ARHGEF10L: variants seen among roughly 807,000 people sequenced by gnomAD.
ARHGEF10L encodes rho guanine nucleotide exchange factor 10-like protein.
ARHGEF10L carries 69 observed loss-of-function variants against 141.2 expected under a neutral mutation model. The ratio of observed to expected loss-of-function variants is 0.49; its 90% CI spans 0.40 to 0.60. The LOEUF (loss-of-function observed/expected upper bound fraction) is 0.60. ARHGEF10L is among the 20% of genes least tolerant of loss of function. ARHGEF10L has a pLI of 0.00. For missense variants in ARHGEF10L, 1,482 were observed against 1,734.3 expected (o/e 0.85, Z 2.58); for synonymous variants, 711 against 718.5 (o/e 0.99, Z 0.17).
chr1:17,649,928 G>T (rs1030341886), intron 22 of ARHGEF10L, among the ~76,000 whole-genome samples: 3 of 152,220 alleles, frequency 2.0e-5, no homozygotes, highest in Non-Finnish European at 4.4e-5. Context: ...GGCGGGCCCC[G>T]AGGTTCGCTG....
At position 17,639,651 on chromosome 1, in the gene ARHGEF10L, G is replaced by T; in HGVS notation, c.2172-551G>T. 1 of 401,706 alleles carries T rather than the reference G, an allele frequency of 2.5e-6. No individual in the cohort carries two copies. Among genetic ancestry groups the T allele is most frequent in the South Asian group, 1.9e-5 (1 of 53,454 alleles). 24.9% of individuals were successfully genotyped at this position (401,706 alleles called of 1,614,324 possible). A position where few individuals can be genotyped will look rare whatever the true frequency, so the allele number is the denominator to read the frequency against. ...CCAAAGGGCTGGGAAGGCCCCCACT[G>T]CTCTGAGGTGAGAGGACAGCGTGGT... On this transcript the variant is annotated intron_variant, in intron 20 of 28. Transcript: ENST00000361221. The surrounding 1 kb of genome is among the most constrained non-coding windows in gnomAD (Gnocchi z 4.3).
At position 17,697,518 on chromosome 1, in the gene ARHGEF10L, C is replaced by T. The variant is rs2065596171; in HGVS notation, c.*138C>T. ...ACTACTTGGGCAGAGCAAAGGAAAACCTCTTGTTTTAAAAAAATTTTTTTC... is the reference window on the plus strand; with the variant it reads ...ACTACTTGGGCAGAGCAAAGGAAAATCTCTTGTTTTAAAAAAATTTTTTTC... On this transcript the variant is annotated 3_prime_UTR_variant, in exon 29 of 29. Coordinates refer to ENST00000361221, the MANE Select transcript of ARHGEF10L (RefSeq NM_018125.4). This position sits in a 1 kb window ranked among gnomAD's most constrained non-coding sequence, Gnocchi z 4.8. 2 of 1,251,684 alleles carry T rather than the reference C, an allele frequency of 1.6e-6. No individual in the cohort carries two copies. The highest frequency in any genetic ancestry group is 1.5e-5 in the African/African-American group (1 of 65,764). 77.5% of individuals were successfully genotyped at this position (1,251,684 alleles called of 1,614,324 possible). A position where few individuals can be genotyped will look rare whatever the true frequency, so the allele number is the denominator to read the frequency against.
intron 4 of ARHGEF10L, among the ~76,000 whole-genome samples, chr1:17,596,626 C>G (rs920821515): frequency 6.6e-6 from 1 of 152,238 alleles, no homozygotes; most frequent in Admixed American, 6.5e-5. Flanking sequence ...TCCTCCCCGA[C>G]CACCCACATG....
At chr1:17,674,357 C>T (rs6703874) in intron 26 of ARHGEF10L, among the ~76,000 whole-genome samples, 4 of 152,144 alleles carry the variant, frequency 2.6e-5, no homozygotes, top group Admixed American at 2.0e-4. Context: ...GGGAGAGAAG[C>T]GAGCTTCATA....
chr1:17,575,816 G>C (rs1262931630), intron 1 of ARHGEF10L, among the ~76,000 whole-genome samples: 1 of 152,186 alleles, frequency 6.6e-6, no homozygotes, highest in African/African-American at 2.4e-5. Flanking sequence ...GAGGAGTTCT[G>C]GTCCTGACCA....
chr1:17,516,536 G>A, the ARHGEF10L span, among the ~76,000 whole-genome samples: 8 of 152,250 alleles, frequency 5.3e-5, 1 homozygote, highest in African/African-American at 1.9e-4. Context: ...CCTGACCTCT[G>A]CTGCTGCTGC....
the ARHGEF10L span, among the ~76,000 whole-genome samples, chr1:17,533,498 C>T: frequency 6.6e-6 from 1 of 152,118 alleles, no homozygotes; most frequent in Non-Finnish European, 1.5e-5. Context: ...CTACATTCCC[C>T]AGGAGAATGG....
intron 4 of ARHGEF10L, among the ~76,000 whole-genome samples, chr1:17,595,019 C>A (rs2100796042): frequency 6.6e-6 from 1 of 152,228 alleles, no homozygotes; most frequent in Admixed American, 6.5e-5. Context: ...CTCCTCCCTA[C>A]CTCCTCCTCT....
chr1:17,596,204 C>A (rs1051249382), intron 4 of ARHGEF10L, among the ~76,000 whole-genome samples: 1 of 152,224 alleles, frequency 6.6e-6, no homozygotes, highest in African/African-American at 2.4e-5. Context: ...GGCCGCCAAG[C>A]CAGATGCTCT....
chr1:17,683,944 C>A lies in ARHGEF10L; in HGVS notation c.3010-3629C>A, dbSNP rs182636927. 1.4e-3 allele frequency among the ~76,000 whole-genome samples: 215 copies of A among 152,322 alleles called. 2 individuals are homozygous for A. Among genetic ancestry groups the A allele is most frequent in the Non-Finnish European group, 7.8e-4 (53 of 68,034 alleles). On this transcript the variant is annotated intron_variant, in intron 26 of 28. Transcript: ENST00000361221. ...GAGGCTGAAAATACTTCTGACCTTT[C>A]TTCGGGAGTCGAGCGGCAGGCTGGC...
intron 1 of ARHGEF10L, among the ~76,000 whole-genome samples, chr1:17,542,800 C>T (rs951804571): frequency 3.3e-5 from 5 of 152,158 alleles, no homozygotes; most frequent in South Asian, 2.1e-4. Flanking sequence ...AAGTGACTGT[C>T]GAAGGTCACT....
At chr1:17,667,721 A>G (rs906756757) in intron 26 of ARHGEF10L, among the ~76,000 whole-genome samples, 3 of 152,198 alleles carry the variant, frequency 2.0e-5, no homozygotes, top group African/African-American at 4.8e-5. Flanking sequence ...GGCTGCTGGC[A>G]GGGGAGGTGT....
chr1:17,556,746 A>G (rs1409941936), intron 1 of ARHGEF10L, among the ~76,000 whole-genome samples: 1 of 152,188 alleles, frequency 6.6e-6, no homozygotes, highest in East Asian at 1.9e-4. Flanking sequence ...CTCTAGTATT[A>G]TAGGTTGGTA....
chr1:17,553,679 C>T (rs2077197726), intron 1 of ARHGEF10L, among the ~76,000 whole-genome samples: 1 of 152,130 alleles, frequency 6.6e-6, no homozygotes, highest in Non-Finnish European at 1.5e-5. Context: ...GTCCCAGCTA[C>T]TCAGGAGGCT....
intron 4 of ARHGEF10L, among the ~76,000 whole-genome samples, chr1:17,592,286 C>G (rs766487686): frequency 3.9e-5 from 6 of 152,110 alleles, no homozygotes; most frequent in Non-Finnish European, 7.4e-5. Flanking sequence ...TTGCCTTTAT[C>G]CCCCTGTGAC....
At chr1:17,566,292 C>G (rs1365790106) in intron 1 of ARHGEF10L, among the ~76,000 whole-genome samples, 1 of 152,228 alleles carries the variant, frequency 6.6e-6, no homozygotes, top group African/African-American at 2.4e-5. Flanking sequence ...TGTCCCCCCT[C>G]CCCACCTAGT....
the ARHGEF10L span, among the ~76,000 whole-genome samples, chr1:17,519,974 C>G: frequency 6.6e-6 from 1 of 152,226 alleles, no homozygotes; most frequent in South Asian, 2.1e-4. Context: ...CCTTCTCTGG[C>G]TAAAAGGGGT....
intron 18 of ARHGEF10L, among the ~76,000 whole-genome samples, chr1:17,637,059 A>C (rs2061045592): frequency 6.7e-6 from 1 of 150,164 alleles, no homozygotes; most frequent in African/African-American, 2.5e-5. Flanking sequence ...CTTTCTCCCC[A>C]CCACCTCCTA....
intron 1 of ARHGEF10L, among the ~76,000 whole-genome samples, chr1:17,567,554 GA>G (rs1470288358): frequency 6.6e-6 from 1 of 152,176 alleles, no homozygotes; most frequent in East Asian, 1.9e-4. Context: ...TTTTAGTAGA[GA>G]CAGGGTTTTA....
Sources: allele counts gnomAD v4.1 joint callset (sites outside exome capture counted in the v4.1 genomes callset), GRCh38; gene constraint gnomAD v4.1.1; non-coding constraint Gnocchi (gnomAD v3.1); transcripts MANE v1.5; gene names NCBI Gene and HGNC (gene_info 2026-07-23, HGNC 2026-07-21).